Variants in WWOX observed in about 807,000 individuals in gnomAD.
WWOX encodes the protein WW domain-containing oxidoreductase.
In WWOX, 69 loss-of-function variants were observed where a neutral mutation model predicts 46.2. The ratio of observed to expected loss-of-function variants is 1.49; its 90% CI spans 1.23 to 1.82. The LOEUF (loss-of-function observed/expected upper bound fraction) is 1.82, where lower values mean the gene tolerates loss of function less well. WWOX is among the 40% of genes most tolerant of loss of function. The pLI is 0.00. For missense variants in WWOX, 919 were observed against 542.6 expected, an observed-to-expected ratio of 1.69 and a Z score of -6.89; for synonymous variants, 359 against 202.6, an observed-to-expected ratio of 1.77 and a Z score of -6.56.
chr16:79,154,284 T>C (rs2050338022), intron 8 of WWOX, among the ~76,000 whole-genome samples: 1 of 152,326 alleles, frequency 6.6e-6, no homozygotes, highest in South Asian at 2.1e-4. Context: ...TGGGAATGGC[T>C]GGGCAGGAAC....
intron 8 of WWOX, among the ~76,000 whole-genome samples, chr16:78,572,775 T>A (rs1002370940): frequency 2.0e-5 from 3 of 151,838 alleles, no homozygotes; most frequent in Admixed American, 6.6e-5. Context: ...TTTTCCCAGG[T>A]GTGAGGGACG....
chr16:78,486,559 A>T (rs1483516200), intron 8 of WWOX, among the ~76,000 whole-genome samples: 1 of 137,584 alleles, frequency 7.3e-6, no homozygotes, highest in Non-Finnish European at 1.6e-5. Flanking sequence ...ATTGACTTCC[A>T]GTTTTGTTTT....
chr16:78,761,608 T>G (rs1256000822), intron 8 of WWOX, among the ~76,000 whole-genome samples: 1 of 152,074 alleles, frequency 6.6e-6, no homozygotes, highest in East Asian at 1.9e-4. Context: ...GGAGATTGGT[T>G]TGTGGGGGCG....
intron 8 of WWOX, among the ~76,000 whole-genome samples, chr16:78,985,694 A>C (rs1001382969): frequency 3.3e-5 from 5 of 152,164 alleles, no homozygotes; most frequent in African/African-American, 1.2e-4. Context: ...GCTTGAATCC[A>C]AGAGATGGAG....
intron 5 of WWOX, among the ~76,000 whole-genome samples, chr16:78,275,322 T>C (rs960941012): frequency 4.6e-5 from 7 of 152,222 alleles, no homozygotes; most frequent in Admixed American, 2.0e-4. Flanking sequence ...GCGCAGCCCT[T>C]GACTCACCCT....
At chr16:78,833,706 G>A (rs1465381220) in intron 8 of WWOX, among the ~76,000 whole-genome samples, 1 of 152,204 alleles carries the variant, frequency 6.6e-6, no homozygotes, top group African/African-American at 2.4e-5. Flanking sequence ...TTGATTGAAT[G>A]CTGTTACCTC....
At chr16:78,554,775 G>A (rs1176649159) in intron 8 of WWOX, among the ~76,000 whole-genome samples, 1 of 152,250 alleles carries the variant, frequency 6.6e-6, no homozygotes, top group South Asian at 2.1e-4. Flanking sequence ...TCTGAGTCAC[G>A]TGGGCTGCAC....
At chr16:79,103,736 C>T (rs1208540053) in intron 8 of WWOX, among the ~76,000 whole-genome samples, 2 of 152,072 alleles carry the variant, frequency 1.3e-5, no homozygotes, top group African/African-American at 4.8e-5. Context: ...GTTACTTAAA[C>T]TATTAAGTCC....
intron 8 of WWOX, among the ~76,000 whole-genome samples, chr16:78,883,251 C>G (rs749273130): frequency 9.2e-5 from 14 of 152,258 alleles, no homozygotes; most frequent in Admixed American, 1.3e-4. Flanking sequence ...TCAGCAAGCT[C>G]CTGAACCCAT....
Position 78,900,011 on chromosome 16 carries a change from C to A in WWOX, c.1057-311597C>A, listed in dbSNP as rs1169068304. 2.6e-5 allele frequency among the ~76,000 whole-genome samples: 4 copies of A among 150,950 alleles called. No homozygotes were observed. The East Asian group carries it at 5.8e-4, about 22-fold the overall frequency. On this transcript the variant is annotated intron_variant, in intron 8 of 8. Coordinates refer to ENST00000566780, the MANE Select transcript of WWOX (RefSeq NM_016373.4). ...TCAGGACTTTAAGCTTATATTCCCT[C>A]CTTGGGCTACCAAAACGGAGATGTG...
chr16:78,608,812 C>T (rs962860870), intron 8 of WWOX, among the ~76,000 whole-genome samples: 2 of 152,156 alleles, frequency 1.3e-5, no homozygotes, highest in Admixed American at 1.3e-4. Flanking sequence ...TATCTGTTCC[C>T]TCCCTTTATT....
At chr16:78,933,060 G>A (rs2045658828) in intron 8 of WWOX, among the ~76,000 whole-genome samples, 2 of 152,164 alleles carry the variant, frequency 1.3e-5, no homozygotes, top group Admixed American at 1.3e-4. Context: ...GCTGGACTGG[G>A]GGAGCAAGGC....
At chr16:78,676,428 G>T (rs1248024151) in intron 8 of WWOX, among the ~76,000 whole-genome samples, 4 of 149,312 alleles carry the variant, frequency 2.7e-5, no homozygotes, top group Admixed American at 1.3e-4. Flanking sequence ...TTTAACTCTG[G>T]GAGTTCCTGT....
intron 8 of WWOX, among the ~76,000 whole-genome samples, chr16:78,750,708 G>A (rs1002512514): frequency 6.6e-6 from 1 of 152,080 alleles, no homozygotes; most frequent in Non-Finnish European, 1.5e-5. Context: ...TGTGTACGCA[G>A]TGTTGAGCTT....
At chr16:78,613,271 G>A (rs558053192) in intron 8 of WWOX, among the ~76,000 whole-genome samples, 5 of 152,178 alleles carry the variant, frequency 3.3e-5, no homozygotes, top group South Asian at 4.2e-4. Context: ...CCTAGGGCAG[G>A]GATCACTCTT....
intron 8 of WWOX, among the ~76,000 whole-genome samples, chr16:79,084,650 T>C (rs1159145511): frequency 1.3e-5 from 2 of 152,328 alleles, no homozygotes; most frequent in East Asian, 3.9e-4. Flanking sequence ...CCTGGCCTCG[T>C]GATGCACCCG....
intron 8 of WWOX, among the ~76,000 whole-genome samples, chr16:78,555,931 G>T (rs2044283822): frequency 6.6e-6 from 1 of 152,082 alleles, no homozygotes; most frequent in East Asian, 1.9e-4. Context: ...TTATTATTCT[G>T]TGATAATAAT....
At chr16:78,977,028 T>C (rs1189742136) in intron 8 of WWOX, among the ~76,000 whole-genome samples, 1 of 152,202 alleles carries the variant, frequency 6.6e-6, no homozygotes, top group Non-Finnish European at 1.5e-5. Context: ...TCCCCTGGCC[T>C]GGGACAATCA....
chr16:78,715,963 C>T (rs1047896447), intron 8 of WWOX, among the ~76,000 whole-genome samples: 3 of 152,016 alleles, frequency 2.0e-5, no homozygotes, highest in African/African-American at 7.2e-5. Context: ...CCTAAATGTC[C>T]ACCACCAGAG....
Sources: allele counts gnomAD v4.1 joint callset (sites outside exome capture counted in the v4.1 genomes callset), GRCh38; gene constraint gnomAD v4.1.1; transcripts MANE v1.5; gene names NCBI Gene and HGNC (gene_info 2026-07-23, HGNC 2026-07-21).